Variants in TM9SF4 observed in about 807,000 individuals in gnomAD.
TM9SF4 encodes transmembrane 9 superfamily member 4, also known as dinucleotide oxidase disulfide thiol exchanger 3 superfamily member 4.
In TM9SF4, 26 loss-of-function variants were observed where a neutral mutation model predicts 90.4. That is an observed-to-expected ratio of 0.29 (90% CI 0.21 to 0.40). TM9SF4 has a LOEUF of 0.40. TM9SF4 is among the 10% of genes least tolerant of loss of function. The probability of loss-of-function intolerance (pLI) is 1.00; values close to 1 mark genes in which losing one functional copy is unlikely to be tolerated. For missense variants in TM9SF4, 549 were observed against 834.8 expected, an observed-to-expected ratio of 0.66 and a Z score of 4.22; for synonymous variants, 293 against 315.4, an observed-to-expected ratio of 0.93 and a Z score of 0.75.
At chr20:32,123,901 C>A (rs1191714039) in intron 1 of TM9SF4, among the ~76,000 whole-genome samples, 1 of 113,126 alleles carries the variant, frequency 8.8e-6, no homozygotes, top group Non-Finnish European at 1.7e-5. Context: ...CTCCCTCTGT[C>A]ATCTGTGCTA....
intron 6 of TM9SF4, among the ~76,000 whole-genome samples, chr20:32,143,954 T>C (rs906409825): frequency 6.6e-6 from 1 of 151,818 alleles, no homozygotes; most frequent in African/African-American, 2.4e-5. Flanking sequence ...TTATCTTTTT[T>C]TTTCCCCCCA....
rs180689921 is a variant in TM9SF4, at chr20:32,141,815, C to G, written c.448C>G (p.Arg150Gly). ...VATRLELYSN[R>G]DSDDKKKEKD... ...CACCCGGCTGGAGCTCTACTCCAAC[C>G]GAGACAGCGATGACAAGAAGAAGGA... Residue 150 changes from arginine (R) to glycine (G), a missense_variant, in exon 5 of 18, where the codon CGA (arginine) becomes GGA (glycine). Coordinates refer to ENST00000398022, the MANE Select transcript of TM9SF4 (RefSeq NM_014742.4). 1.2e-6 allele frequency: 2 copies of G among 1,614,118 alleles called. No homozygotes were observed. Among genetic ancestry groups the G allele is most frequent in the Admixed American group, 1.7e-5 (1 of 60,010 alleles).
chr20:32,157,439 A>G (rs2046943696), intron 13 of TM9SF4, among the ~76,000 whole-genome samples: 1 of 152,216 alleles, frequency 6.6e-6, no homozygotes, highest in Admixed American at 6.5e-5. Flanking sequence ...CACTTTGTAC[A>G]GTGTTGTTTT....
chr20:32,151,582 G>A (rs754367917), intron 12 of TM9SF4, among the ~76,000 whole-genome samples: 3 of 152,202 alleles, frequency 2.0e-5, no homozygotes, highest in Admixed American at 6.6e-5. Context: ...TGGCTGCGAC[G>A]CTTCTGGCAC....
chr20:32,162,899 G>C (rs936986732), intron 17 of TM9SF4, among the ~76,000 whole-genome samples: 1 of 152,116 alleles, frequency 6.6e-6, no homozygotes, highest in African/African-American at 2.4e-5. Context: ...TAAGCAAAAA[G>C]AATGTATTTG....
At chr20:32,139,209 A>G (rs1226884484) in intron 3 of TM9SF4, among the ~76,000 whole-genome samples, 1 of 152,034 alleles carries the variant, frequency 6.6e-6, no homozygotes, top group South Asian at 2.1e-4. Flanking sequence ...CCTGCCATTT[A>G]CCATCTGTGG....
intron 2 of TM9SF4, among the ~76,000 whole-genome samples, chr20:32,135,858 T>G (rs990902240): frequency 6.6e-6 from 1 of 152,208 alleles, no homozygotes. Context: ...TCACAATGTA[T>G]TGAATTTGGT....
At chr20:32,163,268 A>T (rs6142628) in intron 17 of TM9SF4, among the ~76,000 whole-genome samples, 937 of 73,400 alleles carry the variant, frequency 0.013, 23 homozygotes, top group African/African-American at 0.04. Context: ...AAAAAAAAAA[A>T]ATATATATAT....
At chr20:32,143,941 A>C (rs1178273611) in intron 6 of TM9SF4, among the ~76,000 whole-genome samples, 6 of 148,576 alleles carry the variant, frequency 4.0e-5, no homozygotes, top group Non-Finnish European at 1.5e-5. Flanking sequence ...TTTTCTTACC[A>C]TTTTATCTTT....
Position 32,138,529 on chromosome 20 carries a change from C to T in TM9SF4, c.229+2356C>T, listed in dbSNP as rs542863842. Among the ~76,000 whole-genome samples the T allele has an allele frequency of 5.9e-4, 90 of 152,276 alleles. No homozygotes were observed. The Middle Eastern group carries it at 0.01, about 17-fold the overall frequency. ...AAAATTAGCCAGGCATGGTGGTGCA[C>T]GCCTGTTATCCCAGCTACTTGGGAG... On this transcript the variant is annotated intron_variant, in intron 3 of 17. Transcript: ENST00000398022.
At chr20:32,115,334 G>A (rs2046203033) in intron 1 of TM9SF4, among the ~76,000 whole-genome samples, 1 of 152,200 alleles carries the variant, frequency 6.6e-6, no homozygotes, top group Admixed American at 6.5e-5. Flanking sequence ...GTCAGAGAAT[G>A]TTGGAGAAGG....
chr20:32,122,494 C>T (rs1277340701), intron 1 of TM9SF4, among the ~76,000 whole-genome samples: 23 of 149,498 alleles, frequency 1.5e-4, no homozygotes, highest in Non-Finnish European at 2.8e-4. Flanking sequence ...TCAGACGGGG[C>T]GGCCGGGCAG....
intron 1 of TM9SF4, among the ~76,000 whole-genome samples, chr20:32,114,280 A>G (rs1341308709): frequency 6.6e-6 from 1 of 152,182 alleles, no homozygotes; most frequent in Non-Finnish European, 1.5e-5. Flanking sequence ...AATGGAGCCA[A>G]TGCCAGTAGT....
chr20:32,110,797 AAGT>A (rs1214377505), intron 1 of TM9SF4, among the ~76,000 whole-genome samples: 1 of 152,158 alleles, frequency 6.6e-6, no homozygotes, highest in Non-Finnish European at 1.5e-5. Context: ...AGAACCTTGG[AAGT>A]AAATCTTTGA....
At position 32,166,293 on chromosome 20, in the gene TM9SF4, T is replaced by A. The variant is rs2047097367; in HGVS notation, c.*849T>A. The A allele has an allele frequency of 6.5e-6, 1 of 152,968 alleles. No homozygotes were observed. The highest frequency in any genetic ancestry group is 2.1e-4 in the South Asian group (1 of 4,844). The allele number at this position is 152,968 out of a possible 1,614,324, so 9.5% of individuals were successfully genotyped here. ...ATTTCCCAAGCCAAGCATCCACTTG[T>A]CTGTGTCTGGGAAGGGATGGCCAAG... On this transcript the variant is annotated 3_prime_UTR_variant, in exon 18 of 18. Transcript: ENST00000398022.
chr20:32,129,188 A>G (rs1391061348), intron 1 of TM9SF4, among the ~76,000 whole-genome samples: 2 of 152,134 alleles, frequency 1.3e-5, no homozygotes, highest in Admixed American at 6.6e-5. Context: ...TAAAGCTTGA[A>G]CATTCCTACT....
chr20:32,140,881 G>A (rs2046664492), intron 3 of TM9SF4, among the ~76,000 whole-genome samples: 1 of 152,062 alleles, frequency 6.6e-6, no homozygotes. Context: ...ATGGGGCAGG[G>A]AACTCTAGGA....
intron 1 of TM9SF4, among the ~76,000 whole-genome samples, chr20:32,122,705 G>C (rs1017326138): frequency 6.6e-6 from 1 of 151,604 alleles, no homozygotes; most frequent in African/African-American, 2.4e-5. Flanking sequence ...AGGCAGAGGG[G>C]CTCCTCACAT....
intron 8 of TM9SF4, among the ~76,000 whole-genome samples, chr20:32,146,082 T>C (rs1386523344): frequency 6.6e-6 from 1 of 152,206 alleles, no homozygotes. Context: ...GCACAGATAA[T>C]GCTAAATACT....
Sources: gnomAD v4.1 joint callset for allele counts (sites outside exome capture counted in the v4.1 genomes callset) on GRCh38, gnomAD v4.1.1 for gene constraint, MANE v1.5 for transcripts, NCBI Gene and HGNC (gene_info 2026-07-23, HGNC 2026-07-21) for gene names.